CCDC141: variants seen among roughly 807,000 people sequenced by gnomAD.
CCDC141 encodes the protein coiled-coil domain-containing protein 141.
In CCDC141, 168 loss-of-function variants were observed where a neutral mutation model predicts 181.0. The observed-to-expected ratio is 0.93, with a 90% CI of 0.82 to 1.05. The LOEUF (loss-of-function observed/expected upper bound fraction) is 1.05, where lower values mean the gene tolerates loss of function less well. CCDC141 is among the 50% of genes least tolerant of loss of function. The probability of loss-of-function intolerance (pLI) is 0.00; values close to 1 mark genes in which losing one functional copy is unlikely to be tolerated. For synonymous variants in CCDC141, 666 were observed against 642.3 expected (o/e 1.04, Z -0.56); for missense variants, 1,902 against 1,788.5 (o/e 1.06, Z -1.14).
intron 5 of CCDC141, among the ~76,000 whole-genome samples, chr2:178,958,204 TG>T (rs1029083554): frequency 3.9e-5 from 6 of 152,158 alleles, no homozygotes; most frequent in Non-Finnish European, 8.8e-5. Flanking sequence ...GATGCTATAA[TG>T]GTGGATGCCT....
chr2:178,944,437 A>T (rs1038827787), intron 6 of CCDC141, 98 bp downstream of exon 6: 4 of 484,734 alleles, frequency 8.3e-6, no homozygotes, highest in Non-Finnish European at 1.0e-5. Flanking sequence ...TTAATCAAAG[A>T]CAGTTCTCAG....
At chr2:178,901,239 C>T (rs923076567) in intron 8 of CCDC141, among the ~76,000 whole-genome samples, 2 of 152,126 alleles carry the variant, frequency 1.3e-5, no homozygotes, top group African/African-American at 4.8e-5. Flanking sequence ...AGAGGGAATC[C>T]TCCCTAACTC....
At chr2:178,959,414 G>T (rs1460171526) in intron 5 of CCDC141, among the ~76,000 whole-genome samples, 2 of 152,096 alleles carry the variant, frequency 1.3e-5, no homozygotes, top group Non-Finnish European at 2.9e-5. Flanking sequence ...CAGGATTAGG[G>T]CAGAGAGAGA....
intron 8 of CCDC141, among the ~76,000 whole-genome samples, chr2:178,893,063 C>T (rs1019079611): frequency 3.3e-5 from 5 of 152,200 alleles, no homozygotes; most frequent in East Asian, 1.9e-4. Context: ...TGTGAACATG[C>T]GGTAGATCAG....
intron 10 of CCDC141, 106 bp downstream of exon 10, chr2:178,886,646 G>C (rs978192106): frequency 2.4e-5 from 17 of 701,028 alleles, no homozygotes; most frequent in Non-Finnish European, 3.4e-5. Context: ...TATGAATTTA[G>C]AATTGTAAAC....
chr2:179,008,151 T>G (rs2042165564), intron 2 of CCDC141, among the ~76,000 whole-genome samples: 1 of 152,206 alleles, frequency 6.6e-6, no homozygotes. Flanking sequence ...TTAGGCTATA[T>G]GTATCTCTTG....
At chr2:178,840,975 T>C (rs1331268174) in intron 22 of CCDC141, among the ~76,000 whole-genome samples, 2 of 152,246 alleles carry the variant, frequency 1.3e-5, no homozygotes, top group East Asian at 3.8e-4. Context: ...TTGTTTACTT[T>C]CCAGATGGTA....
intron 22 of CCDC141, among the ~76,000 whole-genome samples, chr2:178,843,108 G>T (rs921390487): frequency 6.6e-6 from 1 of 152,206 alleles, no homozygotes; most frequent in African/African-American, 2.4e-5. Context: ...GAGGGGAAAA[G>T]TTTGTCATGG....
Position 178,837,508 on chromosome 2 carries a change from A to T in CCDC141, c.3711T>A (p.Pro1237=). Residue 1237 remains proline (P), a synonymous_variant, in exon 23 of 24, where the codon CCT becomes CCA. Transcript: ENST00000443758. Reference sequence around the variant, plus strand: ...TGTGAAGGCTGAGGGAGGAGCTGACAGGCTCTTCCACCTCCATGTCAGATG... The same window carrying T: ...TGTGAAGGCTGAGGGAGGAGCTGACTGGCTCTTCCACCTCCATGTCAGATG... ...LAPSDMEVEE[P]VSSSLSLHIS... 1 of 1,614,048 alleles carries T rather than the reference A, an allele frequency of 6.2e-7. No individual in the cohort carries two copies. The highest frequency in any genetic ancestry group is 8.5e-7 in the Non-Finnish European group (1 of 1,179,966).
At chr2:178,979,384 C>A (rs1273686839) in intron 2 of CCDC141, among the ~76,000 whole-genome samples, 4 of 151,904 alleles carry the variant, frequency 2.6e-5, no homozygotes, top group African/African-American at 9.7e-5. Context: ...TAAAAAGGAA[C>A]TTAAAACGTG....
chr2:178,982,543 A>G (rs752070847), intron 2 of CCDC141, among the ~76,000 whole-genome samples: 2 of 152,200 alleles, frequency 1.3e-5, no homozygotes, highest in Non-Finnish European at 2.9e-5. Flanking sequence ...CTGCATTTCC[A>G]TCTGAGGTAC....
chr2:178,862,914 G>C (rs903257229), intron 17 of CCDC141, among the ~76,000 whole-genome samples: 1 of 152,110 alleles, frequency 6.6e-6, no homozygotes, highest in Non-Finnish European at 1.5e-5. Flanking sequence ...CTACAGCACA[G>C]TCAAGAAAGA....
intron 2 of CCDC141, among the ~76,000 whole-genome samples, chr2:179,016,340 T>C (rs1007863654): frequency 5.3e-5 from 8 of 151,734 alleles, no homozygotes; most frequent in Admixed American, 6.6e-5. Context: ...TAGTAACTTA[T>C]GGGAAAAAAA....
intron 2 of CCDC141, among the ~76,000 whole-genome samples, chr2:178,987,878 A>G (rs1691831514): frequency 6.6e-6 from 1 of 150,744 alleles, no homozygotes; most frequent in Non-Finnish European, 1.5e-5. Context: ...GTGGGACTGT[A>G]AACTAGTTCA....
rs747639468 is a variant in CCDC141, at chr2:178,856,322, A to G, written c.2800T>C (p.Ser934Pro). The part of the protein sequence containing the change: ...KFNYTKKNEK[S>P]RNLKALKYQI... ...TATTTAAGCGCCTTCAGATTCCGAG[A>G]TTTTTCATTTTTCTTAGTGTAATTA... Residue 934 changes from serine to proline, a missense_variant, in exon 18 of 24, where the codon TCT (serine) becomes CCT (proline). Coordinates refer to ENST00000443758, the MANE Select transcript of CCDC141 (RefSeq NM_173648.4). The G allele has an allele frequency of 1.9e-6, 3 of 1,610,210 alleles. No individual in the cohort carries two copies. Among genetic ancestry groups the G allele is most frequent in the African/African-American group, 1.3e-5 (1 of 74,884 alleles).
intron 8 of CCDC141, among the ~76,000 whole-genome samples, chr2:178,889,204 G>A (rs1021271621): frequency 2.0e-5 from 1 of 50,468 alleles, no homozygotes; most frequent in African/African-American, 6.3e-5. Context: ...AAATATACTT[G>A]TTGATAAAAA....
chr2:178,979,978 C>T (rs1691293882), intron 2 of CCDC141, among the ~76,000 whole-genome samples: 1 of 152,014 alleles, frequency 6.6e-6, no homozygotes, highest in Non-Finnish European at 1.5e-5. Flanking sequence ...AGAACATAAT[C>T]TCAACATCTA....
chr2:178,892,712 T>A (rs1322754768), intron 8 of CCDC141, among the ~76,000 whole-genome samples: 1 of 152,192 alleles, frequency 6.6e-6, no homozygotes, highest in Non-Finnish European at 1.5e-5. Flanking sequence ...GACCCCACTC[T>A]TTGCCAGCAA....
At chr2:178,881,042 G>A (rs1686580326) in intron 11 of CCDC141, among the ~76,000 whole-genome samples, 2 of 152,202 alleles carry the variant, frequency 1.3e-5, no homozygotes, top group Admixed American at 1.3e-4. Flanking sequence ...TAGGAATGTG[G>A]TTTTTGTAGA....
Sources: gnomAD v4.1 joint callset for allele counts (sites outside exome capture counted in the v4.1 genomes callset) on GRCh38, gnomAD v4.1.1 for gene constraint, MANE v1.5 for transcripts, NCBI Gene and HGNC (gene_info 2026-07-23, HGNC 2026-07-21) for gene names.